GPM6A: variants seen among roughly 807,000 people sequenced by gnomAD.
The protein encoded by GPM6A is glycoprotein M6A, also known as neuronal membrane glycoprotein M6-a.
A neutral mutation model predicts 32.1 loss-of-function variants in GPM6A; 7 were observed. The observed-to-expected ratio is 0.22, with a 90% CI of 0.12 to 0.41. The LOEUF (loss-of-function observed/expected upper bound fraction) is 0.41, where lower values mean the gene tolerates loss of function less well. Ranked by LOEUF, GPM6A falls within the 10% of genes least tolerant of loss-of-function variation. GPM6A has a pLI of 1.00. For missense variants in GPM6A, 235 were observed against 347.2 expected (o/e 0.68, Z 2.57); for synonymous variants, 130 against 123.4 (o/e 1.05, Z -0.35).
intron 1 of GPM6A, among the ~76,000 whole-genome samples, chr4:175,849,088 T>C (rs1370527840): frequency 6.6e-6 from 1 of 152,200 alleles, no homozygotes; most frequent in African/African-American, 2.4e-5. Flanking sequence ...TAAATTTGTA[T>C]AGATTTAAGA....
At chr4:175,656,514 T>C (rs1201500774) in intron 3 of GPM6A, among the ~76,000 whole-genome samples, 1 of 152,144 alleles carries the variant, frequency 6.6e-6, no homozygotes, top group Non-Finnish European at 1.5e-5. Context: ...TGTTTTGATG[T>C]CAATCTGGAT....
chr4:175,973,531 A>T (rs908631094), intron 1 of GPM6A, among the ~76,000 whole-genome samples: 1 of 152,270 alleles, frequency 6.6e-6, no homozygotes, highest in Non-Finnish European at 1.5e-5. Flanking sequence ...TCAGTCATAC[A>T]TGCTAATGAG....
intron 1 of GPM6A, among the ~76,000 whole-genome samples, chr4:175,756,469 T>A (rs1290909683): frequency 6.6e-6 from 1 of 152,056 alleles, no homozygotes; most frequent in Admixed American, 6.6e-5. Context: ...TGGTTTCATG[T>A]TGTGTGTGAG....
intron 1 of GPM6A, among the ~76,000 whole-genome samples, chr4:175,854,295 G>T (rs1224817824): frequency 6.6e-6 from 1 of 152,114 alleles, no homozygotes; most frequent in Non-Finnish European, 1.5e-5. Flanking sequence ...TTACATGAAG[G>T]CTCGAACTAA....
At chr4:175,962,202 T>C (rs1361380118) in intron 1 of GPM6A, 22 of 1,237,222 alleles carry the variant, frequency 1.8e-5, no homozygotes, top group Non-Finnish European at 2.6e-5. Flanking sequence ...CCTGGAGTAT[T>C]GGAGTCAGTT....
intron 3 of GPM6A, among the ~76,000 whole-genome samples, chr4:175,668,907 T>C (rs1742898051): frequency 6.6e-6 from 1 of 152,104 alleles, no homozygotes; most frequent in Non-Finnish European, 1.5e-5. Flanking sequence ...AACCATAAAA[T>C]GGTAGGGAAG....
chr4:175,856,290 T>C (rs1736411929), intron 1 of GPM6A, among the ~76,000 whole-genome samples: 1 of 152,222 alleles, frequency 6.6e-6, no homozygotes, highest in Non-Finnish European at 1.5e-5. Flanking sequence ...CCTTGATTCC[T>C]TTGTGGGACT....
At chr4:175,988,428 A>G (rs1579689667) in intron 1 of GPM6A, among the ~76,000 whole-genome samples, 2 of 152,206 alleles carry the variant, frequency 1.3e-5, no homozygotes, top group Admixed American at 6.5e-5. Flanking sequence ...TTGTTGTCCT[A>G]TGAAAGAACA....
At chr4:175,855,257 G>T (rs1222975844) in intron 1 of GPM6A, among the ~76,000 whole-genome samples, 2 of 152,136 alleles carry the variant, frequency 1.3e-5, no homozygotes, top group African/African-American at 4.8e-5. Flanking sequence ...AACTAAATAT[G>T]ATAGTTAGCA....
intron 1 of GPM6A, among the ~76,000 whole-genome samples, chr4:175,898,215 G>A (rs1317125366): frequency 1.3e-5 from 2 of 152,104 alleles, no homozygotes; most frequent in Admixed American, 6.5e-5. Flanking sequence ...TATGTAAAAT[G>A]TAAATTTGAT....
intron 1 of GPM6A, among the ~76,000 whole-genome samples, chr4:175,728,003 C>CAA (rs36001392): frequency 3.3e-4 from 32 of 97,006 alleles, no homozygotes; most frequent in Admixed American, 3.6e-4. Context: ...GACTCCGTTT[C>CAA]AAAAAAAAAA....
chr4:175,772,045 A>G (rs918137322), intron 1 of GPM6A, among the ~76,000 whole-genome samples: 3 of 152,136 alleles, frequency 2.0e-5, no homozygotes, highest in African/African-American at 7.2e-5. Flanking sequence ...CCCTTCCATC[A>G]TTCTCCTGCT....
At chr4:175,987,159 T>TTTAGAAATG (rs1741000049) in intron 1 of GPM6A, among the ~76,000 whole-genome samples, 2 of 152,232 alleles carry the variant, frequency 1.3e-5, no homozygotes, top group Admixed American at 6.5e-5. Flanking sequence ...TTTATCTTTC[T>TTTAGAAATG]TTAGAAATGT....
At chr4:175,963,984 G>A (rs948269427) in intron 1 of GPM6A, among the ~76,000 whole-genome samples, 1 of 151,420 alleles carries the variant, frequency 6.6e-6, no homozygotes, top group Non-Finnish European at 1.5e-5. Flanking sequence ...AAACTCAATG[G>A]CAACCACTCA....
chr4:175,798,534 T>C (rs902828689), intron 1 of GPM6A: 7 of 152,304 alleles, frequency 4.6e-5, no homozygotes, highest in Admixed American at 6.5e-5. Context: ...CAATGAGCAA[T>C]GTGGTAAATT....
At chr4:175,786,528 TG>T (rs1733804755) in intron 1 of GPM6A, among the ~76,000 whole-genome samples, 1 of 151,996 alleles carries the variant, frequency 6.6e-6, no homozygotes, top group Non-Finnish European at 1.5e-5. Flanking sequence ...AAACTCAAAA[TG>T]TCTAAAATAA....
intron 3 of GPM6A, among the ~76,000 whole-genome samples, chr4:175,668,543 T>TGTGTGTGTGTGTGTGTGTGTG (rs1742878840): frequency 5.1e-5 from 1 of 19,528 alleles, no homozygotes; most frequent in Non-Finnish European, 4.3e-4. Context: ...GTGTGTGTGT[T>TGTGTGTGTGTGTGTGTGTGTG]TATTTTAAAA....
chr4:175,909,333 A>G (rs547747305), intron 1 of GPM6A, among the ~76,000 whole-genome samples: 42 of 152,298 alleles, frequency 2.8e-4, no homozygotes, highest in African/African-American at 1.0e-3. Context: ...TTGGATAAGT[A>G]GTCATACTTT....
chr4:175,730,564 G>A (rs1041204628), intron 1 of GPM6A, among the ~76,000 whole-genome samples: 63 of 151,858 alleles, frequency 4.1e-4, no homozygotes, highest in South Asian at 1.9e-3. Context: ...TCCGCCTCCC[G>A]GGTTCACGCC....
Sources: allele counts gnomAD v4.1 joint callset (sites outside exome capture counted in the v4.1 genomes callset), GRCh38; gene constraint gnomAD v4.1.1; transcripts MANE v1.5; gene names NCBI Gene and HGNC (gene_info 2026-07-23, HGNC 2026-07-21).